Variants in AXIN2 observed in about 807,000 individuals in gnomAD.
The protein encoded by AXIN2 is axin-2.
AXIN2 carries 21 observed loss-of-function variants against 74.7 expected under a neutral mutation model. The observed-to-expected ratio is 0.28, with a 90% confidence interval of 0.20 to 0.40. The LOEUF is 0.40. AXIN2 is among the 10% of genes least tolerant of loss of function. The probability of loss-of-function intolerance (pLI) is 1.00; values close to 1 mark genes in which losing one functional copy is unlikely to be tolerated. For missense variants in AXIN2, 1,144 were observed against 1,111.1 expected (o/e 1.03, Z -0.42); for synonymous variants, 532 against 454.9 (o/e 1.17, Z -2.16).
chr17:65,555,741 C>T (rs1390582248), intron 2 of AXIN2, among the ~76,000 whole-genome samples: 2 of 152,134 alleles, frequency 1.3e-5, no homozygotes, highest in Non-Finnish European at 2.9e-5. Flanking sequence ...GGCTGGAATG[C>T]AAGCCTTTGA....
At chr17:65,543,193 G>GC (rs1418291218) in intron 3 of AXIN2, among the ~76,000 whole-genome samples, 1 of 152,150 alleles carries the variant, frequency 6.6e-6, no homozygotes, top group Non-Finnish European at 1.5e-5. Context: ...TGTGAGTACT[G>GC]CCCCAAAGAA....
intron 8 of AXIN2, 75 bp downstream of exon 8, chr17:65,536,245 C>T: frequency 6.9e-7 from 1 of 1,442,688 alleles, no homozygotes; most frequent in Non-Finnish European, 9.5e-7. Context: ...GAGAGGCCCT[C>T]CCCATTAGCC....
rs771340546 is a variant in AXIN2 at position 65,537,776 on chromosome 17, C to A, written c.1260G>T (p.Gln420His). Residue 420 changes from glutamine to histidine, a missense_variant, in exon 6 of 11, where the codon CAG becomes CAT. Physicochemically the swap from Gln to His is conservative, Grantham distance 24. Around this residue, in one of 4 missense-constraint regions of AXIN2, gnomAD observed 1,053 missense variants for 973.5 expected, o/e 1.08. Coordinates refer to ENST00000307078, the MANE Select transcript of AXIN2 (RefSeq NM_004655.4). ...CGGAGGGCAGTAGGGAGAGGGGGTG[C>A]TGCGTGGGCGCCCCCTCCCGCGAAT... ...TLNSREGAPTQHPLSLLPSGS... is the reference protein window; with the variant it reads ...TLNSREGAPTHHPLSLLPSGS... The A allele has an allele frequency of 1.3e-6, 2 of 1,587,142 alleles. No homozygotes were observed. The highest frequency in any genetic ancestry group is 3.6e-5 in the Admixed American group (2 of 56,250).
At chr17:65,544,665 C>T (rs1434294895) in intron 3 of AXIN2, among the ~76,000 whole-genome samples, 1 of 152,042 alleles carries the variant, frequency 6.6e-6, no homozygotes, top group Non-Finnish European at 1.5e-5. Flanking sequence ...TGGAGAGCAC[C>T]AGAGTTGTGG....
rs1436762815 is a variant in AXIN2, at chr17:65,549,678, A to T, written c.816-18T>A. Reference sequence around the variant, plus strand: ...TGAAGGACCTATGGGCAAAGTACAAAAGTGGTTCAGTCACTGACCCTCACC... The same window carrying T: ...TGAAGGACCTATGGGCAAAGTACAATAGTGGTTCAGTCACTGACCCTCACC... On this transcript the variant is annotated intron_variant, in intron 2 of 10. Transcript: ENST00000307078. 6.3e-7 allele frequency: 1 copy of T among 1,586,132 alleles called. No individual in the cohort carries two copies.
rs1436218725 is a variant in AXIN2 at position 65,529,129 on chromosome 17, G to T, written c.*847C>A. On this transcript the variant is annotated 3_prime_UTR_variant, in exon 11 of 11. Coordinates refer to ENST00000307078, the MANE Select transcript of AXIN2 (RefSeq NM_004655.4). The stretch of plus-strand genomic sequence containing the variant: ...GAACTGTCATTTCCACGAAAGCACA[G>T]CGGCAGTGATTCTAGCAGGCCTCAG... 1 of 234,934 alleles carries T rather than the reference G, an allele frequency of 4.3e-6. No homozygotes were observed. The highest frequency in any genetic ancestry group is 8.4e-6 in the Non-Finnish European group (1 of 119,444). The allele number at this position is 234,934 out of a possible 1,614,324, so 14.6% of individuals were successfully genotyped here. A position where few individuals can be genotyped will look rare whatever the true frequency, so the allele number is the denominator to read the frequency against.
intron 8 of AXIN2, among the ~76,000 whole-genome samples, chr17:65,535,963 GCT>G (rs2043905386): frequency 6.6e-6 from 1 of 152,142 alleles, no homozygotes; most frequent in African/African-American, 2.4e-5. Context: ...CCAGCAAAGG[GCT>G]GAGGACTCTT....
chr17:65,558,908 C>CT (rs2044319307), intron 1 of AXIN2, among the ~76,000 whole-genome samples, 172 bp from the exon 2 acceptor site: 1 of 151,806 alleles, frequency 6.6e-6, no homozygotes, highest in African/African-American at 2.4e-5. Context: ...TCAGGCGCTG[C>CT]TTTTCAAAAG....
Position 65,537,643 on chromosome 17 carries a change from G to T in AXIN2, c.1393C>A (p.Arg465Ser), listed in dbSNP as rs886041137. Reference protein sequence around the residue: ...PGVGRYSPRSRSPDHHHHHHS... With the variant: ...PGVGRYSPRSSSPDHHHHHHS... ...TGGTGGTGGTGGTGGTCCGGGGAGC[G>T]GGAGCGGGGGCTATAGCGGCCTACG... Residue 465 changes from arginine (R) to serine (S), a missense_variant, in exon 6 of 11, where the codon CGC (arginine) becomes AGC (serine). Transcript: ENST00000307078. The T allele has an allele frequency of 8.9e-6, 14 of 1,578,584 alleles. No individual in the cohort carries two copies. The highest frequency in any genetic ancestry group is 1.2e-5 in the Non-Finnish European group (14 of 1,164,736).
At chr17:65,531,035 A>G (rs903462400) in intron 10 of AXIN2, among the ~76,000 whole-genome samples, 1 of 152,166 alleles carries the variant, frequency 6.6e-6, no homozygotes, top group Non-Finnish European at 1.5e-5. Flanking sequence ...CAGCCAAGGG[A>G]GACCCCTCAG....
In AXIN2 at chr17:65,558,520, G is replaced by T. The variant is rs770206565; in HGVS notation, c.101C>A (p.Pro34Gln). 9.9e-6 allele frequency: 16 copies of T among 1,613,654 alleles called. No individual in the cohort carries two copies. In the South Asian group the frequency reaches 1.8e-4, roughly 18 times the overall value. ...CTTGCCCACCCCTGGCTGACACGGT[G>T]GGGTCTCCCCTTCTTCCCCTGGCAC... ...PPVPGEEGET[P>Q]PCQPGVGKGQ... is the part of the protein sequence containing the mutation. The change falls in exon 2 of 11, where the codon CCA (proline) becomes CAA (glutamine). Residue 34 changes from proline (P) to glutamine (Q), a missense_variant. Around this residue, in one of 4 missense-constraint regions of AXIN2, gnomAD observed 1,053 missense variants for 973.5 expected, o/e 1.08. Transcript: ENST00000307078.
At chr17:65,540,635 C>T (rs934239236) in intron 4 of AXIN2, among the ~76,000 whole-genome samples, 5 of 152,108 alleles carry the variant, frequency 3.3e-5, no homozygotes, top group East Asian at 1.9e-4. Context: ...GGAGGTGTTT[C>T]GTGCCCTCCC....
chr17:65,543,072 T>G (rs2044066025), intron 3 of AXIN2, among the ~76,000 whole-genome samples: 1 of 152,090 alleles, frequency 6.6e-6, no homozygotes, highest in South Asian at 2.1e-4. Flanking sequence ...AACAAACCAA[T>G]GTATGTTAAC....
chr17:65,533,004 G>A lies in AXIN2; in HGVS notation c.2405+908C>T, dbSNP rs536745633. ...ACATTCTCTTGGGCTGCAGGCCATG[G>A]AGAGGGGCAAGGGAGGACTCCAGAT... On this transcript the variant is annotated intron_variant, in intron 10 of 10. Transcript: ENST00000307078. Among the ~76,000 whole-genome samples the A allele has an allele frequency of 3.9e-5, 6 of 152,222 alleles. No homozygotes were observed. The South Asian group carries it at 1.2e-3, about 32-fold the overall frequency.
Position 65,529,145 on chromosome 17 carries a change from C to T in AXIN2, c.*831G>A, listed in dbSNP as rs2043775444. 4.3e-6 allele frequency: 1 copy of T among 234,648 alleles called. No individual in the cohort carries two copies. Among genetic ancestry groups the T allele is most frequent in the Admixed American group, 5.6e-5 (1 of 17,832 alleles). The allele number at this position is 234,648 out of a possible 1,614,324, so 14.5% of individuals were successfully genotyped here. ...GAAAGCACAGCGGCAGTGATTCTAGCAGGCCTCAGGGCCCTGGGCCTGGGG... is the reference window on the plus strand; with the variant it reads ...GAAAGCACAGCGGCAGTGATTCTAGTAGGCCTCAGGGCCCTGGGCCTGGGG... On this transcript the variant is annotated 3_prime_UTR_variant, in exon 11 of 11. Coordinates refer to ENST00000307078, the MANE Select transcript of AXIN2 (RefSeq NM_004655.4).
At position 65,537,506 on chromosome 17, in the gene AXIN2, C is replaced by T. The variant is rs141014640; in HGVS notation, c.1530G>A (p.Thr510=). 4.5e-3 allele frequency: 7,188 copies of T among 1,613,744 alleles called. 21 individuals are homozygous for T. The highest frequency in any genetic ancestry group is 5.5e-3 in the Non-Finnish European group (6,527 of 1,179,970). Residue 510 remains threonine (T), a synonymous_variant, in exon 6 of 11, where the codon ACG becomes ACA. Transcript: ENST00000307078. ...LGGKGFVTKQ[T]TKHVHHHYIH... ...TGTAGTGGTGGTGGACATGCTTCGT[C>T]GTCTGCTTGGTCACAAAGCCTTTGC...
At chr17:65,533,865 T>C (rs1388863777) in intron 10 of AXIN2, 47 bp downstream of exon 10, 1 of 1,384,558 alleles carries the variant, frequency 7.2e-7, no homozygotes, top group Non-Finnish European at 9.7e-7. Context: ...TGGCTCTTGG[T>C]TCTGAGCAAA....
At position 65,555,762 on chromosome 17, in the gene AXIN2, A is replaced by G. The variant is rs2044258179; in HGVS notation, c.815+2044T>C. 3.3e-5 allele frequency among the ~76,000 whole-genome samples: 5 copies of G among 152,316 alleles called. No individual in the cohort carries two copies. The South Asian group carries it at 1.0e-3, about 32-fold the overall frequency. On this transcript the variant is annotated intron_variant, in intron 2 of 10. Transcript: ENST00000307078. ...AATGCAAGCCTTTGAATAAGGAGTC[A>G]GCAGACCTTTCCATACACTGTGCAC... is the stretch of plus-strand genomic sequence containing the variant.
chr17:65,553,418 A>G (rs2044221485), intron 2 of AXIN2, among the ~76,000 whole-genome samples: 1 of 152,160 alleles, frequency 6.6e-6, no homozygotes, highest in African/African-American at 2.4e-5. Flanking sequence ...GGTGGTATTA[A>G]CACATCAACC....
Sources: gnomAD v4.1 joint callset for allele counts (sites outside exome capture counted in the v4.1 genomes callset) on GRCh38, gnomAD v4.1.1 for gene constraint, gnomAD v4.1.1 regional missense constraint, MANE v1.5 for transcripts, NCBI Gene and HGNC (gene_info 2026-07-23, HGNC 2026-07-21) for gene names.